The following YY1AP1 variants were observed in gnomAD, a reference collection of about 807,000 sequenced individuals.
YY1AP1 encodes the protein YY1-associated protein 1.
In YY1AP1, 43 loss-of-function variants were observed where a neutral mutation model predicts 39.9. That is an observed-to-expected ratio of 1.08 (90% CI 0.84 to 1.39). The LOEUF is 1.39. Ranked by LOEUF, YY1AP1 falls within the 40% of genes most tolerant of loss-of-function variation. YY1AP1 has a pLI of 0.00. For missense variants in YY1AP1, 813 were observed against 900.7 expected (o/e 0.90, Z 1.25); for synonymous variants, 292 against 331.3 (o/e 0.88, Z 1.29).
intron 4 of YY1AP1, 71 bp downstream of exon 4, chr1:155,679,338 C>T (rs902557387): frequency 1.2e-6 from 2 of 1,606,974 alleles, no homozygotes; most frequent in African/African-American, 2.7e-5. Context: ...TTGTTAACTG[C>T]AACTTCTGAA....
intron 8 of YY1AP1, 131 bp downstream of exon 8, chr1:155,670,189 G>A: frequency 8.3e-7 from 1 of 1,209,728 alleles, no homozygotes; most frequent in Non-Finnish European, 1.2e-6. Context: ...ACGTTCTAGA[G>A]GACTCTGCTC....
chr1:155,672,429 GA>G (rs1215530660), intron 7 of YY1AP1, 130 bp downstream of exon 7: 1 of 950,470 alleles, frequency 1.1e-6, no homozygotes, highest in Non-Finnish European at 1.7e-6. Context: ...ATAAAAGAGA[GA>G]AGGAAGAAAT....
chr1:155,670,249 C>A, intron 8 of YY1AP1, 71 bp downstream of exon 8: 1 of 1,598,362 alleles, frequency 6.3e-7, no homozygotes, highest in Admixed American at 1.7e-5. Flanking sequence ...ACAAGTCTTA[C>A]TTCCCCTAAA....
At position 155,688,691 on chromosome 1, in the gene YY1AP1, T is replaced by C; in HGVS notation, c.-184A>G. On this transcript the variant is annotated 5_prime_UTR_variant, in exon 1 of 11. Coordinates refer to ENST00000355499, the MANE Select transcript of YY1AP1 (RefSeq NM_139119.3). ...GGCGCGAGCCCAAGCCTTCTCCACCTCCTCTTCTCTCCTCCCCCTCCCTCC... is the reference window on the plus strand; with the variant it reads ...GGCGCGAGCCCAAGCCTTCTCCACCCCCTCTTCTCTCCTCCCCCTCCCTCC... 6.6e-7 allele frequency: 1 copy of C among 1,523,386 alleles called. No homozygotes were observed. The highest frequency in any genetic ancestry group is 8.7e-7 in the Non-Finnish European group (1 of 1,143,076). The allele number at this position is 1,523,386 out of a possible 1,614,324, so 94.4% of individuals were successfully genotyped here.
intron 9 of YY1AP1, among the ~76,000 whole-genome samples, chr1:155,664,384 T>C (rs1648636025): frequency 6.6e-6 from 1 of 152,120 alleles, no homozygotes; most frequent in Non-Finnish European, 1.5e-5. Context: ...TTATGTTACA[T>C]AGAAACAAGA....
intron 9 of YY1AP1, 64 bp from the exon 10 acceptor site, chr1:155,661,487 G>A (rs1648115475): frequency 6.2e-7 from 1 of 1,610,206 alleles, no homozygotes; most frequent in African/African-American, 1.3e-5. Context: ...CTGTCAGGCT[G>A]GTGAATGGGG....
At chr1:155,678,794 T>C (rs1210807294) in intron 4 of YY1AP1, among the ~76,000 whole-genome samples, 1 of 152,224 alleles carries the variant, frequency 6.6e-6, no homozygotes, top group East Asian at 1.9e-4. Flanking sequence ...GTTCCACTTA[T>C]GGCACAAACT....
chr1:155,688,781 C>A, upstream of YY1AP1: 1 of 1,538,638 alleles, frequency 6.5e-7, no homozygotes, highest in Non-Finnish European at 8.7e-7. Flanking sequence ...CTACACTCCT[C>A]GCGCGTGCGC....
At position 155,660,693 on chromosome 1, in the gene YY1AP1, T is replaced by C. The variant is rs780628978; in HGVS notation, c.1217A>G (p.Gln406Arg). The C allele has an allele frequency of 1.2e-5, 19 of 1,614,252 alleles. No homozygotes were observed. The East Asian group carries it at 3.1e-4, about 27-fold the overall frequency. The change falls in exon 11 of 11, where the codon CAG becomes CGG. Residue 406 changes from glutamine (Q) to arginine (R), a missense_variant. Physicochemically the swap from Gln to Arg is conservative, Grantham distance 43. Transcript: ENST00000355499. ...GGGTTTCAGGACTGATGAACGCTTC[T>C]GTCTCCAAGCCTTCTTGGGGAAACG... ...ADRFPKKAWR[Q>R]KRSSVLKPLL... is the part of the protein sequence containing the mutation.
chr1:155,681,617 G>C (rs143227138), intron 2 of YY1AP1, among the ~76,000 whole-genome samples: 2 of 152,016 alleles, frequency 1.3e-5, no homozygotes, highest in East Asian at 3.9e-4. Flanking sequence ...ACAGAGACAA[G>C]TTTCCAACAG....
chr1:155,664,915 G>A (rs1005645354), intron 9 of YY1AP1, among the ~76,000 whole-genome samples: 30 of 151,492 alleles, frequency 2.0e-4, no homozygotes, highest in African/African-American at 7.3e-4. Context: ...GACTACAGAC[G>A]CCCGCCACCA....
In YY1AP1 at chr1:155,665,660, C is replaced by T. The variant is rs761256299; in HGVS notation, c.879+2967G>A. ...AGGCGTGGTGTCTCACGCCTGTAAT[C>T]CCCGCACTCTGGGAGGCTGAGGTGG... On this transcript the variant is annotated intron_variant, in intron 9 of 10. Coordinates refer to ENST00000355499, the MANE Select transcript of YY1AP1 (RefSeq NM_139119.3). Among the ~76,000 whole-genome samples, 4 of 151,494 alleles carry T rather than the reference C, an allele frequency of 2.6e-5. 1 individual carries two copies. Among genetic ancestry groups the T allele is most frequent in the South Asian group, 4.2e-4 (2 of 4,790 alleles).
At chr1:155,661,747 C>T (rs1648191549) in intron 9 of YY1AP1, among the ~76,000 whole-genome samples, 2 of 152,314 alleles carry the variant, frequency 1.3e-5, no homozygotes, top group South Asian at 2.1e-4. Context: ...GCTCCACCTC[C>T]CAGGTTCACG....
chr1:155,676,253 GA>G (rs199682656), intron 5 of YY1AP1, among the ~76,000 whole-genome samples: 2,875 of 151,722 alleles, frequency 0.019, 93 homozygotes, highest in African/African-American at 0.066. Flanking sequence ...AGGGAAAAGG[GA>G]AAAAAAACTA....
chr1:155,677,843 A>C (rs890896560), intron 4 of YY1AP1, among the ~76,000 whole-genome samples: 2 of 152,216 alleles, frequency 1.3e-5, no homozygotes, highest in African/African-American at 2.4e-5. Context: ...AGTTTTAACA[A>C]GGATTATTTA....
chr1:155,662,690 T>C (rs1305759131), intron 9 of YY1AP1, among the ~76,000 whole-genome samples: 1 of 151,994 alleles, frequency 6.6e-6, no homozygotes, highest in South Asian at 2.1e-4. Context: ...AGTGGACAAA[T>C]GGCATCCTAC....
At chr1:155,684,189 A>C (rs1047566501) in intron 2 of YY1AP1, among the ~76,000 whole-genome samples, 3 of 152,210 alleles carry the variant, frequency 2.0e-5, no homozygotes, top group Non-Finnish European at 2.9e-5. Context: ...CAGAGGTTGC[A>C]GTGAGGCAAG....
chr1:155,681,296 C>G (rs1448052390), intron 2 of YY1AP1, among the ~76,000 whole-genome samples: 1 of 152,096 alleles, frequency 6.6e-6, no homozygotes, highest in Non-Finnish European at 1.5e-5. Context: ...TCCCAAAGTG[C>G]TGGGATTACA....
rs560709346 is a variant in YY1AP1 at position 155,679,327 on chromosome 1, A to C, written c.125+82T>G. On this transcript the variant is annotated intron_variant, in intron 4 of 10. Transcript: ENST00000355499. Reference sequence around the variant, plus strand: ...AACAGAAGCTGGCTGGGGATGAAAAATTGTTAACTGCAACTTCTGAAAACC... The same window carrying C: ...AACAGAAGCTGGCTGGGGATGAAAACTTGTTAACTGCAACTTCTGAAAACC... The C allele has an allele frequency of 2.8e-5, 44 of 1,596,902 alleles. No homozygotes were observed. The African/African-American group carries it at 3.9e-4, about 14-fold the overall frequency.
Sources: allele counts gnomAD v4.1 joint callset (sites outside exome capture counted in the v4.1 genomes callset), GRCh38; gene constraint gnomAD v4.1.1; transcripts MANE v1.5; gene names NCBI Gene and HGNC (gene_info 2026-07-23, HGNC 2026-07-21).